The following SSH2 variants were observed in gnomAD, a reference collection of about 807,000 sequenced individuals.
SSH2 encodes slingshot protein phosphatase 2, also known as protein phosphatase Slingshot homolog 2.
SSH2 carries 37 observed loss-of-function variants against 135.2 expected under a neutral mutation model. That is an observed-to-expected ratio of 0.27 (90% CI 0.21 to 0.36). The LOEUF is 0.36. SSH2 is among the 10% of genes least tolerant of loss of function. The pLI, the probability that SSH2 is intolerant of heterozygous loss-of-function variation, is 1.00. For missense variants in SSH2, 1,408 were observed against 1,765.3 expected (o/e 0.80, Z 3.63); for synonymous variants, 628 against 646.2 (o/e 0.97, Z 0.43).
rs759004141 is a variant in SSH2 at position 29,672,085 on chromosome 17, G to A, written c.659C>T (p.Ala220Val). 61 of 1,613,998 alleles carry A rather than the reference G, an allele frequency of 3.8e-5. No homozygotes were observed. Among genetic ancestry groups the A allele is most frequent in the Middle Eastern group, 3.3e-4 (2 of 6,066 alleles). Residue 220 changes from alanine (A) to valine (V), a missense_variant, in exon 9 of 16, where the codon GCG (alanine) becomes GTG (valine). Physicochemically the swap from Ala to Val is moderately conservative, Grantham distance 64. Coordinates refer to ENST00000540801, the MANE Select transcript of SSH2 (RefSeq NM_001282129.2). ...SLHKACEVAR[A>V]HNYYPGSLFL... ...TAGGCTGCCTGGGTAGTAGTTATGC[G>A]CTCTGGCGACTTCACAAGCCTTGTG...
chr17:29,861,095 G>C (rs918842915), intron 1 of SSH2, among the ~76,000 whole-genome samples: 2 of 151,796 alleles, frequency 1.3e-5, no homozygotes, highest in African/African-American at 4.8e-5. Flanking sequence ...TTGTATATCT[G>C]TTTAAGTTCC....
At chr17:29,702,137 C>T (rs772474952) in intron 4 of SSH2, among the ~76,000 whole-genome samples, 26 of 152,038 alleles carry the variant, frequency 1.7e-4, no homozygotes, top group South Asian at 6.2e-4. Flanking sequence ...TGGATCACCT[C>T]AGGCCAGGAG....
At position 29,920,171 on chromosome 17, in the gene SSH2, G is replaced by A. The variant is rs1014211287; in HGVS notation, c.63+9767C>T. The stretch of plus-strand genomic sequence containing the variant: ...CCACCTCAGCCTCCCAAAGTGCTGG[G>A]ATTACAGGCATGAGCCACCGCGCCC... On this transcript the variant is annotated intron_variant, in intron 1 of 15. Coordinates refer to ENST00000540801, the MANE Select transcript of SSH2 (RefSeq NM_001282129.2). Among the ~76,000 whole-genome samples, 3 of 152,202 alleles carry A rather than the reference G, an allele frequency of 2.0e-5. No individual in the cohort carries two copies. The South Asian group carries it at 6.2e-4, about 31-fold the overall frequency.
At chr17:29,711,423 T>G (rs561913962) in intron 3 of SSH2, among the ~76,000 whole-genome samples, 1 of 152,366 alleles carries the variant, frequency 6.6e-6, no homozygotes, top group African/African-American at 2.4e-5. Flanking sequence ...GTTCACTTAC[T>G]GATACGATCT....
intron 14 of SSH2, among the ~76,000 whole-genome samples, chr17:29,644,580 A>G: frequency 6.6e-6 from 1 of 152,116 alleles, no homozygotes; most frequent in East Asian, 1.9e-4. Context: ...AGGCCGAGGC[A>G]GGCAGATCAC....
chr17:29,820,155 C>T lies in SSH2; in HGVS notation c.145-26218G>A, dbSNP rs16965243. Among the ~76,000 whole-genome samples, 928 of 152,212 alleles carry T rather than the reference C, an allele frequency of 6.1e-3. 6 individuals carry two copies. The highest frequency in any genetic ancestry group is 0.021 in the African/African-American group (876 of 41,530). On this transcript the variant is annotated intron_variant, in intron 2 of 15. Transcript: ENST00000540801. ...GGATGGGCAAATAATTCCAAAGGCA[C>T]GGTTCTTGTCCTTGTACTGGTTAAA...
At chr17:29,867,229 G>A (rs1318656360) in intron 1 of SSH2, among the ~76,000 whole-genome samples, 1 of 152,188 alleles carries the variant, frequency 6.6e-6, no homozygotes, top group Non-Finnish European at 1.5e-5. Flanking sequence ...TTAACTCTGT[G>A]TGTGCTGAAA....
chr17:29,881,231 A>G (rs2066131847), intron 1 of SSH2, among the ~76,000 whole-genome samples: 1 of 152,224 alleles, frequency 6.6e-6, no homozygotes. Flanking sequence ...TAGAAACTAG[A>G]ATTTGATACA....
chr17:29,742,841 G>A (rs2040615788), intron 3 of SSH2, among the ~76,000 whole-genome samples: 1 of 151,262 alleles, frequency 6.6e-6, no homozygotes, highest in African/African-American at 2.4e-5. Flanking sequence ...CACCATGTTG[G>A]CCAGGCTGGT....
chr17:29,702,878 T>C (rs1256592024), intron 4 of SSH2, 81 bp downstream of exon 4: 2 of 1,077,210 alleles, frequency 1.9e-6, no homozygotes, highest in Admixed American at 1.7e-5. Flanking sequence ...TCTGAAGAGA[T>C]GGGGATGAGG....
intron 2 of SSH2, among the ~76,000 whole-genome samples, chr17:29,795,256 G>A (rs749336582): frequency 5.3e-5 from 8 of 152,166 alleles, no homozygotes; most frequent in Non-Finnish European, 1.0e-4. Context: ...GAAAAACAAG[G>A]ATAAGCTAAT....
chr17:29,823,816 T>C (rs1180716315), intron 2 of SSH2, among the ~76,000 whole-genome samples: 5 of 148,908 alleles, frequency 3.4e-5, no homozygotes, highest in Admixed American at 2.0e-4. Context: ...GAGCCAGAGG[T>C]TGCAGTGAAC....
intron 3 of SSH2, among the ~76,000 whole-genome samples, chr17:29,744,860 AGTGTGTGTGTGTGTGTGTGTGT>A (rs71689248): frequency 1.4e-5 from 2 of 140,426 alleles, no homozygotes; most frequent in African/African-American, 5.6e-5. Flanking sequence ...GGATTACTTG[AGTGTGTGTGTGTGTGTGTGTGT>A]GTGTGTGTGT....
intron 3 of SSH2, among the ~76,000 whole-genome samples, chr17:29,765,031 A>T (rs2041411778): frequency 6.6e-6 from 1 of 152,214 alleles, no homozygotes; most frequent in Non-Finnish European, 1.5e-5. Flanking sequence ...ATGTGCTATA[A>T]GCCAGGGGAC....
chr17:29,850,769 A>T (rs2065540790), intron 1 of SSH2, among the ~76,000 whole-genome samples: 1 of 152,134 alleles, frequency 6.6e-6, no homozygotes, highest in African/African-American at 2.4e-5. Flanking sequence ...GTGGATCACG[A>T]GGTCAGGAGA....
intron 3 of SSH2, among the ~76,000 whole-genome samples, chr17:29,738,801 G>A (rs1278204393): frequency 5.3e-5 from 8 of 152,018 alleles, no homozygotes; most frequent in Admixed American, 2.0e-4. Flanking sequence ...TGATCCGCCC[G>A]CCCCGGCCTC....
Position 29,638,774 on chromosome 17 carries a change from T to C in SSH2, c.1428-1972A>G, listed in dbSNP as rs147932494. On this transcript the variant is annotated intron_variant, in intron 14 of 15. Coordinates refer to ENST00000540801, the MANE Select transcript of SSH2 (RefSeq NM_001282129.2). ...TCTCACTATGTTGCCCAGGCTGGTC[T>C]TGAACTCCTGGGTTCAAGTGATCCT... 6.3e-3 allele frequency among the ~76,000 whole-genome samples: 965 copies of C among 152,198 alleles called. 8 individuals are homozygous for C. The highest frequency in any genetic ancestry group is 0.022 in the African/African-American group (917 of 41,524).
chr17:29,728,063 C>T (rs2040059681), intron 3 of SSH2, among the ~76,000 whole-genome samples: 1 of 152,036 alleles, frequency 6.6e-6, no homozygotes, highest in Admixed American at 6.6e-5. Context: ...CTTCTGGCCT[C>T]ATGATACACC....
At chr17:29,907,342 G>T (rs958231194) in intron 1 of SSH2, among the ~76,000 whole-genome samples, 7 of 151,990 alleles carry the variant, frequency 4.6e-5, no homozygotes, top group African/African-American at 1.5e-4. Flanking sequence ...ACACACACTG[G>T]GGCCTGTTGG....
Sources: allele counts gnomAD v4.1 joint callset (sites outside exome capture counted in the v4.1 genomes callset), GRCh38; gene constraint gnomAD v4.1.1; transcripts MANE v1.5; gene names NCBI Gene and HGNC (gene_info 2026-07-23, HGNC 2026-07-21).